The following RORA variants were observed in gnomAD, a reference collection of about 807,000 sequenced individuals.
RORA encodes the protein RAR related orphan receptor A, also known as nuclear receptor ROR-alpha.
A neutral mutation model predicts 69.5 loss-of-function variants in RORA; 7 were observed. That is an observed-to-expected ratio of 0.10 (90% CI 0.06 to 0.19). The LOEUF (loss-of-function observed/expected upper bound fraction) is 0.19, where lower values mean the gene tolerates loss of function less well. Ranked by LOEUF, RORA falls within the 10% of genes least tolerant of loss-of-function variation. RORA has a pLI of 1.00. For missense variants in RORA, 457 were observed against 663.0 expected, an observed-to-expected ratio of 0.69 and a Z score of 3.41; for synonymous variants, 261 against 240.8, an observed-to-expected ratio of 1.08 and a Z score of -0.78.
intron 1 of RORA, among the ~76,000 whole-genome samples, chr15:60,679,574 C>T (rs1198726333): frequency 6.6e-6 from 1 of 151,952 alleles, no homozygotes; most frequent in Admixed American, 6.6e-5. Flanking sequence ...AACATTTAGC[C>T]TGTGACTAAG....
At chr15:60,816,588 C>T (rs1242351465) in intron 1 of RORA, among the ~76,000 whole-genome samples, 1 of 142,754 alleles carries the variant, frequency 7.0e-6, no homozygotes, top group African/African-American at 2.6e-5. Flanking sequence ...ATACTGTAAA[C>T]AGTATATGTA....
At chr15:60,501,316 A>G (rs761290344) in intron 8 of RORA, among the ~76,000 whole-genome samples, 1 of 152,138 alleles carries the variant, frequency 6.6e-6, no homozygotes, top group African/African-American at 2.4e-5. Flanking sequence ...CCATCACATC[A>G]CCATTGCCAC....
chr15:61,159,552 C>T (rs2079476053), intron 1 of RORA, among the ~76,000 whole-genome samples: 2 of 152,052 alleles, frequency 1.3e-5, no homozygotes, highest in Admixed American at 1.3e-4. Context: ...TTTTTTATAA[C>T]TACAAAAAAG....
intron 1 of RORA, among the ~76,000 whole-genome samples, chr15:61,110,702 T>C (rs147712448): frequency 3.7e-4 from 57 of 152,282 alleles, no homozygotes; most frequent in East Asian, 1.2e-3. Context: ...CTGATGGTCA[T>C]AGAGTCATCC....
At chr15:61,052,944 T>A (rs930430256) in intron 1 of RORA, among the ~76,000 whole-genome samples, 1 of 152,226 alleles carries the variant, frequency 6.6e-6, no homozygotes, top group Non-Finnish European at 1.5e-5. Flanking sequence ...CCTAATTCAC[T>A]GAAAGTGCTT....
At chr15:60,961,838 G>A (rs1294799458) in intron 1 of RORA, among the ~76,000 whole-genome samples, 1 of 152,192 alleles carries the variant, frequency 6.6e-6, no homozygotes. Context: ...CCCTCATCAG[G>A]TTTATGGTTC....
intron 1 of RORA, among the ~76,000 whole-genome samples, chr15:60,830,852 G>T (rs752944165): frequency 1.4e-4 from 21 of 152,280 alleles, no homozygotes; most frequent in Non-Finnish European, 2.9e-4. Flanking sequence ...GATTTTCTTG[G>T]GCATGAGGGA....
chr15:61,053,671 G>A (rs941832264), intron 1 of RORA, among the ~76,000 whole-genome samples: 1 of 151,656 alleles, frequency 6.6e-6, no homozygotes, highest in Non-Finnish European at 1.5e-5. Context: ...TGCGGTCTTT[G>A]AGAATGCCTC....
intron 1 of RORA, among the ~76,000 whole-genome samples, chr15:60,729,400 G>T (rs940048739): frequency 5.3e-5 from 8 of 152,188 alleles, no homozygotes; most frequent in African/African-American, 1.9e-4. Flanking sequence ...CTTAGGAGAA[G>T]TGGGGACAAC....
intron 1 of RORA, among the ~76,000 whole-genome samples, chr15:61,184,550 C>T (rs1567027335): frequency 6.6e-6 from 1 of 152,146 alleles, no homozygotes; most frequent in Non-Finnish European, 1.5e-5. Context: ...ATCATCTATA[C>T]ACAACCATCT....
intron 1 of RORA, among the ~76,000 whole-genome samples, chr15:61,155,519 C>G (rs2079434619): frequency 6.6e-6 from 1 of 152,082 alleles, no homozygotes; most frequent in African/African-American, 2.4e-5. Context: ...AGAAGAGTTG[C>G]CCGGTTTTCC....
In RORA at chr15:60,500,986, A is replaced by G. The variant is rs973971223; in HGVS notation, c.1267T>C (p.Phe423Leu). The G allele has an allele frequency of 2.5e-6, 4 of 1,602,282 alleles. No individual in the cohort carries two copies. In the African/African-American group the frequency reaches 4.0e-5, roughly 16 times the overall value. The stretch of plus-strand genomic sequence containing the variant: ...GCTGACATCAGTACAAATGCAGAAA[A>G]TAATGCAATTTCATCTTCAGTCAGG... ...MHLTEDEIAL[F>L]SAFVLMSADR... Residue 423 changes from phenylalanine (F) to leucine (L), a missense_variant, in exon 9 of 11, where the codon TTT (phenylalanine) becomes CTT (leucine). This residue lies in a region of RORA where 304 missense variants were observed against 447.4 expected (regional missense o/e 0.68). Coordinates refer to ENST00000335670, the MANE Select transcript of RORA (RefSeq NM_134261.3).
At chr15:61,162,070 T>C (rs1056929478) in intron 1 of RORA, among the ~76,000 whole-genome samples, 1 of 152,246 alleles carries the variant, frequency 6.6e-6, no homozygotes, top group East Asian at 1.9e-4. Context: ...TTTATTGTTA[T>C]TGTTTTCTAT....
At chr15:60,586,474 G>GTGTGCA (rs1567107127) in intron 2 of RORA, among the ~76,000 whole-genome samples, 2 of 152,178 alleles carry the variant, frequency 1.3e-5, no homozygotes, top group Non-Finnish European at 2.9e-5. Flanking sequence ...GTGTGTGTGC[G>GTGTGCA]TGTGCATGTG....
At chr15:61,030,272 G>A (rs1412734315) in intron 1 of RORA, among the ~76,000 whole-genome samples, 1 of 152,106 alleles carries the variant, frequency 6.6e-6, no homozygotes, top group Non-Finnish European at 1.5e-5. Flanking sequence ...CGGGGTCAAA[G>A]GATTTGAAGG....
At chr15:60,716,866 C>T (rs914983782) in intron 1 of RORA, among the ~76,000 whole-genome samples, 1 of 152,198 alleles carries the variant, frequency 6.6e-6, no homozygotes, top group East Asian at 1.9e-4. Flanking sequence ...CGTTCCCCTT[C>T]CCCCATACTT....
intron 2 of RORA, among the ~76,000 whole-genome samples, chr15:60,647,077 A>G (rs1415883435): frequency 6.6e-6 from 1 of 152,172 alleles, no homozygotes; most frequent in Non-Finnish European, 1.5e-5. Context: ...CTTGGTATTG[A>G]CTGGGAAATG....
intron 1 of RORA, among the ~76,000 whole-genome samples, chr15:60,839,305 T>A (rs778785439): frequency 6.6e-6 from 1 of 152,216 alleles, no homozygotes. Context: ...AATAATCACA[T>A]TAAAGATGAT....
At chr15:60,594,883 G>A (rs2068632425) in intron 2 of RORA, among the ~76,000 whole-genome samples, 1 of 152,200 alleles carries the variant, frequency 6.6e-6, no homozygotes, top group African/African-American at 2.4e-5. Flanking sequence ...ATGAGCAACA[G>A]AATTTCAGAT....
Sources: gnomAD v4.1 joint callset for allele counts (sites outside exome capture counted in the v4.1 genomes callset) on GRCh38, gnomAD v4.1.1 for gene constraint, gnomAD v4.1.1 regional missense constraint, MANE v1.5 for transcripts, NCBI Gene and HGNC (gene_info 2026-07-23, HGNC 2026-07-21) for gene names.